CREG2: variants seen among roughly 807,000 people sequenced by gnomAD.
CREG2 encodes protein CREG2.
Under a neutral mutation model 26.2 loss-of-function variants are expected in CREG2, and 24 were observed. The observed-to-expected ratio is 0.92, with a 90% CI of 0.66 to 1.29. The LOEUF (loss-of-function observed/expected upper bound fraction) is 1.29. Among genes scored for constraint, CREG2 ranks in the 50% most tolerant of loss-of-function variants. The probability of loss-of-function intolerance (pLI) is 0.00; values close to 1 mark genes in which losing one functional copy is unlikely to be tolerated. For synonymous variants in CREG2, 174 were observed against 169.2 expected (o/e 1.03, Z -0.22); for missense variants, 366 against 398.6 (o/e 0.92, Z 0.70).
chr2:101,384,360 A>G (rs944004362), intron 1 of CREG2, among the ~76,000 whole-genome samples: 2 of 152,196 alleles, frequency 1.3e-5, no homozygotes, highest in African/African-American at 4.8e-5. Context: ...ATTTTTCTTC[A>G]TGATCACCCA....
intron 2 of CREG2, among the ~76,000 whole-genome samples, chr2:101,360,417 A>G (rs959690072): frequency 4.6e-5 from 7 of 152,166 alleles, no homozygotes; most frequent in African/African-American, 1.7e-4. Flanking sequence ...CAAGAAAAAT[A>G]TGTGCTGTGT....
intron 2 of CREG2, among the ~76,000 whole-genome samples, chr2:101,367,012 C>T (rs971884240): frequency 2.0e-5 from 3 of 152,018 alleles, no homozygotes; most frequent in African/African-American, 4.8e-5. Context: ...CGGATTTTGG[C>T]GTCTTTTGGT....
At position 101,350,831 on chromosome 2, in the gene CREG2, C is replaced by T. The variant is rs1684370224; in HGVS notation, c.*92G>A. On this transcript the variant is annotated 3_prime_UTR_variant, in exon 4 of 4. Coordinates refer to ENST00000324768, the MANE Select transcript of CREG2 (RefSeq NM_153836.4). ...GATGGCAGGGCTGCTATGAACCCTT[C>T]AACAAAGAGACAGTGGTCAATAGCT... is the stretch of plus-strand genomic sequence containing the variant. The T allele has an allele frequency of 7.4e-7, 1 of 1,349,256 alleles. No individual in the cohort carries two copies. The highest frequency in any genetic ancestry group is 2.3e-5 in the East Asian group (1 of 43,636). 83.6% of individuals were successfully genotyped at this position (1,349,256 alleles called of 1,614,324 possible).
intron 2 of CREG2, among the ~76,000 whole-genome samples, chr2:101,375,174 A>G (rs1156599033): frequency 1.3e-5 from 2 of 152,158 alleles, no homozygotes; most frequent in African/African-American, 2.4e-5. Context: ...GCTAATTTGC[A>G]TCTTCAATAT....
At position 101,350,624 on chromosome 2, in the gene CREG2, C is replaced by A. The variant is rs1010979484; in HGVS notation, c.*299G>T. 4 of 262,342 alleles carry A rather than the reference C, an allele frequency of 1.5e-5. No individual in the cohort carries two copies. Among genetic ancestry groups the A allele is most frequent in the East Asian group, 7.4e-5 (1 of 13,506 alleles). 16.3% of individuals were successfully genotyped at this position (262,342 alleles called of 1,614,324 possible). ...TTAAACAATGAAACAACAATGATCTCAACATGTCATTTTGACCACCAGCTA... is the reference window on the plus strand; with the variant it reads ...TTAAACAATGAAACAACAATGATCTAAACATGTCATTTTGACCACCAGCTA... On this transcript the variant is annotated 3_prime_UTR_variant, in exon 4 of 4. Transcript: ENST00000324768.
chr2:101,371,259 G>T (rs1684702312), intron 2 of CREG2, among the ~76,000 whole-genome samples: 1 of 152,172 alleles, frequency 6.6e-6, no homozygotes, highest in African/African-American at 2.4e-5. Flanking sequence ...ACATGCTATG[G>T]AGTGACGCCC....
chr2:101,365,253 G>A (rs1473425698), intron 2 of CREG2, among the ~76,000 whole-genome samples: 1 of 152,210 alleles, frequency 6.6e-6, no homozygotes, highest in Non-Finnish European at 1.5e-5. Context: ...TCTGCAGAAA[G>A]CACTGTGTTG....
At chr2:101,375,104 C>A (rs1267538624) in intron 2 of CREG2, among the ~76,000 whole-genome samples, 1 of 152,270 alleles carries the variant, frequency 6.6e-6, no homozygotes, top group African/African-American at 2.4e-5. Flanking sequence ...TCTACGTCCC[C>A]GCACACTATC....
chr2:101,354,392 T>G (rs6749888), intron 3 of CREG2, among the ~76,000 whole-genome samples: 102,402 of 152,148 alleles, frequency 0.67, 36,337 homozygotes, highest in South Asian at 0.78. Flanking sequence ...TTTCTCCGAT[T>G]GTGCCTTTAG....
At chr2:101,359,496 C>A (rs1037755655) in intron 2 of CREG2, among the ~76,000 whole-genome samples, 2 of 152,224 alleles carry the variant, frequency 1.3e-5, no homozygotes, top group African/African-American at 4.8e-5. Flanking sequence ...TAGGAAGTCG[C>A]TGATCACCAA....
rs139474474 is a variant in CREG2 at position 101,363,187 on chromosome 2, G to T, written c.612-7821C>A. On this transcript the variant is annotated intron_variant, in intron 2 of 3. Coordinates refer to ENST00000324768, the MANE Select transcript of CREG2 (RefSeq NM_153836.4). ...TTAGCGGGTGGGTTTCATGCCCAAG[G>T]CATGGACGCCATTGTACTGGGGATT... Among the ~76,000 whole-genome samples the T allele has an allele frequency of 1.2e-3, 178 of 152,340 alleles. 1 individual carries two copies. The highest frequency in any genetic ancestry group is 4.1e-3 in the African/African-American group (169 of 41,584).
At chr2:101,356,820 G>A (rs1234814356) in intron 2 of CREG2, among the ~76,000 whole-genome samples, 1 of 152,130 alleles carries the variant, frequency 6.6e-6, no homozygotes, top group Non-Finnish European at 1.5e-5. Context: ...TTTCTGTGGT[G>A]ACAGAATTAT....
At chr2:101,376,678 A>C (rs939026042) in intron 2 of CREG2, among the ~76,000 whole-genome samples, 1 of 152,208 alleles carries the variant, frequency 6.6e-6, no homozygotes, top group African/African-American at 2.4e-5. Flanking sequence ...CCAGCTTCTC[A>C]CAAGACTCAC....
chr2:101,372,253 G>T (rs1157208340), intron 2 of CREG2, among the ~76,000 whole-genome samples: 1 of 152,246 alleles, frequency 6.6e-6, no homozygotes, highest in African/African-American at 2.4e-5. Flanking sequence ...GAGGCAAGAA[G>T]AGCCTGTGCC....
chr2:101,361,715 A>G (rs1320103954), intron 2 of CREG2, among the ~76,000 whole-genome samples: 3 of 152,216 alleles, frequency 2.0e-5, no homozygotes, highest in Non-Finnish European at 4.4e-5. Context: ...CAGCATCAAT[A>G]CGAAACTAAT....
In CREG2 at chr2:101,383,713, C is replaced by G. The variant is rs1195512815; in HGVS notation, c.442-11G>C. 1.3e-6 allele frequency: 2 copies of G among 1,581,206 alleles called. No individual in the cohort carries two copies. The highest frequency in any genetic ancestry group is 1.7e-6 in the Non-Finnish European group (2 of 1,164,944). ...TGGCAGTCCTTGGATCTAACAAACACCAAAAAAGGCTTTTTCAGTGCAGAG... is the reference window on the plus strand; with the variant it reads ...TGGCAGTCCTTGGATCTAACAAACAGCAAAAAAGGCTTTTTCAGTGCAGAG... On this transcript the variant is annotated splice_polypyrimidine_tract_variant and intron_variant, in intron 1 of 3. Coordinates refer to ENST00000324768, the MANE Select transcript of CREG2 (RefSeq NM_153836.4).
rs1252436412 is a variant in CREG2, at chr2:101,383,707, C to T, written c.442-5G>A. The T allele has an allele frequency of 6.3e-7, 1 of 1,587,620 alleles. No homozygotes were observed. The highest frequency in any genetic ancestry group is 8.6e-7 in the Non-Finnish European group (1 of 1,167,940). On this transcript the variant is annotated splice_region_variant and splice_polypyrimidine_tract_variant and intron_variant, in intron 1 of 3. Coordinates refer to ENST00000324768, the MANE Select transcript of CREG2 (RefSeq NM_153836.4). ...CCCAAATGGCAGTCCTTGGATCTAA[C>T]AAACACCAAAAAAGGCTTTTTCAGT...
chr2:101,359,468 C>T (rs1046466848), intron 2 of CREG2, among the ~76,000 whole-genome samples: 50 of 152,308 alleles, frequency 3.3e-4, no homozygotes, highest in East Asian at 1.9e-4. Flanking sequence ...CCCACTTACC[C>T]GGCTCCTGAG....
chr2:101,368,316 GAA>G (rs56011125), intron 2 of CREG2, among the ~76,000 whole-genome samples: 1 of 142,982 alleles, frequency 7.0e-6, no homozygotes, highest in Non-Finnish European at 1.5e-5. Context: ...AAAGAAAAAA[GAA>G]AAAAAAAAAG....
Sources: allele counts gnomAD v4.1 joint callset (sites outside exome capture counted in the v4.1 genomes callset), GRCh38; gene constraint gnomAD v4.1.1; transcripts MANE v1.5; gene names NCBI Gene and HGNC (gene_info 2026-07-23, HGNC 2026-07-21).